KIF6: variants seen among roughly 807,000 people sequenced by gnomAD.
The protein encoded by KIF6 is kinesin-like protein KIF6.
A neutral mutation model predicts 112.7 loss-of-function variants in KIF6; 106 were observed. The observed-to-expected ratio is 0.94, with a 90% CI of 0.80 to 1.11. KIF6 has a LOEUF of 1.11. Ranked by LOEUF, KIF6 falls within the 50% of genes least tolerant of loss-of-function variation. The pLI is 0.00. For synonymous variants in KIF6, 339 were observed against 339.9 expected, an observed-to-expected ratio of 1.00 and a Z score of 0.03; for missense variants, 929 against 964.0, an observed-to-expected ratio of 0.96 and a Z score of 0.48.
intron 13 of KIF6, among the ~76,000 whole-genome samples, chr6:39,472,105 G>A (rs1222796787): frequency 2.6e-5 from 4 of 152,214 alleles, no homozygotes; most frequent in South Asian, 2.1e-4. Flanking sequence ...AGCTGTCAGC[G>A]TTCCTTGGCT....
intron 3 of KIF6, among the ~76,000 whole-genome samples, chr6:39,666,706 C>G (rs1331348499): frequency 6.6e-6 from 1 of 152,124 alleles, no homozygotes; most frequent in Non-Finnish European, 1.5e-5. Context: ...TGAAGGCAAG[C>G]ATGGTGTTAT....
intron 3 of KIF6, among the ~76,000 whole-genome samples, chr6:39,677,507 T>TTTTATTTATTTATTTATTTA (rs70984138): frequency 3.4e-5 from 5 of 146,158 alleles, no homozygotes; most frequent in African/African-American, 1.0e-4. Flanking sequence ...CTTCAGACAA[T>TTTTATTTATTTATTTATTTA]TTTATTTATT....
chr6:39,345,875 G>T, intron 20 of KIF6, 86 bp from the exon 21 acceptor site: 1 of 921,042 alleles, frequency 1.1e-6, no homozygotes, highest in Non-Finnish European at 1.7e-6. Flanking sequence ...GAGCTGTTAT[G>T]GACTGAATGT....
At chr6:39,500,247 G>T (rs563787563) in intron 13 of KIF6, among the ~76,000 whole-genome samples, 1 of 152,298 alleles carries the variant, frequency 6.6e-6, no homozygotes, top group South Asian at 2.1e-4. Context: ...GTTAAGAATG[G>T]ACACAAAGAA....
intron 10 of KIF6, among the ~76,000 whole-genome samples, chr6:39,577,264 G>A (rs1781024324): frequency 6.6e-6 from 1 of 152,242 alleles, no homozygotes; most frequent in Non-Finnish European, 1.5e-5. Flanking sequence ...CTATGAAATA[G>A]TTTAAAGACA....
intron 13 of KIF6, among the ~76,000 whole-genome samples, chr6:39,451,445 G>A (rs947699979): frequency 1.3e-5 from 2 of 152,182 alleles, no homozygotes; most frequent in African/African-American, 4.8e-5. Flanking sequence ...AGGAATTGAA[G>A]TTCTTGCTTT....
At chr6:39,558,545 G>A (rs1338464636) in intron 10 of KIF6, among the ~76,000 whole-genome samples, 3 of 152,112 alleles carry the variant, frequency 2.0e-5, no homozygotes, top group Non-Finnish European at 4.4e-5. Flanking sequence ...AAATATTCTT[G>A]GTTGTGATGA....
chr6:39,609,920 A>G (rs114871896), intron 6 of KIF6, among the ~76,000 whole-genome samples: 80 of 152,334 alleles, frequency 5.3e-4, no homozygotes, highest in African/African-American at 1.9e-3. Flanking sequence ...AAGAAACTGC[A>G]TCATTTAATT....
At chr6:39,501,460 G>C (rs1019774048) in intron 13 of KIF6, among the ~76,000 whole-genome samples, 1 of 152,192 alleles carries the variant, frequency 6.6e-6, no homozygotes, top group South Asian at 2.1e-4. Context: ...CAAGGGCTCA[G>C]AACTGGGCTG....
chr6:39,647,684 A>G (rs184112397), intron 3 of KIF6, among the ~76,000 whole-genome samples: 2 of 151,420 alleles, frequency 1.3e-5, no homozygotes, highest in African/African-American at 4.9e-5. Context: ...TCAGGAACCT[A>G]GGTCAAACAG....
intron 17 of KIF6, among the ~76,000 whole-genome samples, chr6:39,361,423 G>A (rs1409826527): frequency 6.6e-6 from 1 of 151,940 alleles, no homozygotes; most frequent in African/African-American, 2.4e-5. Flanking sequence ...GCTGGGTGTT[G>A]TGGTGCGTGG....
chr6:39,569,428 T>C (rs112214332), intron 10 of KIF6, among the ~76,000 whole-genome samples: 3,291 of 152,308 alleles, frequency 0.022, 60 homozygotes, highest in Non-Finnish European at 0.032. Flanking sequence ...TTTTGAAAAA[T>C]TATTCTGTCT....
rs573040865 is a variant in KIF6, at chr6:39,331,015, C to G, written c.*5517G>C. On this transcript the variant is annotated 3_prime_UTR_variant, in exon 23 of 23. Transcript: ENST00000287152. ...CCCCACAAGTCCCCTTTTTGCCAAGCTCCACGTCCTTTGCCTCTTCCCATC... is the reference window on the plus strand; with the variant it reads ...CCCCACAAGTCCCCTTTTTGCCAAGGTCCACGTCCTTTGCCTCTTCCCATC... 6.6e-6 allele frequency: 1 copy of G among 152,566 alleles called. No homozygotes were observed. The highest frequency in any genetic ancestry group is 6.5e-5 in the Admixed American group (1 of 15,302). 9.5% of individuals were successfully genotyped at this position (152,566 alleles called of 1,614,324 possible). A position where few individuals can be genotyped will look rare whatever the true frequency, so the allele number is the denominator to read the frequency against.
At chr6:39,651,209 T>C (rs1183898804) in intron 3 of KIF6, among the ~76,000 whole-genome samples, 1 of 152,246 alleles carries the variant, frequency 6.6e-6, no homozygotes, top group Non-Finnish European at 1.5e-5. Flanking sequence ...ATCCTTTTCC[T>C]TGCCAAGTGT....
At position 39,337,155 on chromosome 6, in the gene KIF6, T is replaced by TTTTCCTTCCTTTCTTTC. The variant is rs1554195029; in HGVS notation, c.2429-608_2429-607insGAAAGAAAGGAAGGAAA. Among the ~76,000 whole-genome samples the TTTTCCTTCCTTTCTTTC allele has an allele frequency of 1.1e-4, 6 of 53,698 alleles. No individual in the cohort carries two copies. In the East Asian group the frequency reaches 2.4e-3, roughly 21 times the overall value. The allele number at this position is 53,698 out of a possible 152,430, so 35.2% of individuals were successfully genotyped here. A position where few individuals can be genotyped will look rare whatever the true frequency, so the allele number is the denominator to read the frequency against. On this transcript the variant is annotated intron_variant, in intron 22 of 22. Transcript: ENST00000287152. Reference sequence around the variant, plus strand: ...TCCTTCCTTCCTTCCTTTCTCTTTCTTTTCTTTCTTTCCTTCCTTCTTTCT... The same window carrying TTTTCCTTCCTTTCTTTC: ...TCCTTCCTTCCTTCCTTTCTCTTTCTTTTCCTTCCTTTCTTTCTTTCTTTCTTTCCTTCCTTCTTTCT...
intron 3 of KIF6, among the ~76,000 whole-genome samples, chr6:39,688,121 A>AG (rs1466522294): frequency 6.6e-6 from 1 of 152,196 alleles, no homozygotes; most frequent in Non-Finnish European, 1.5e-5. Context: ...GTCTGGAGAA[A>AG]CTGCCAATCC....
intron 10 of KIF6, among the ~76,000 whole-genome samples, chr6:39,576,771 G>C (rs569435810): frequency 2.3e-4 from 35 of 152,198 alleles, no homozygotes; most frequent in African/African-American, 7.9e-4. Flanking sequence ...CTGATCTCTG[G>C]GGTGTTGCTT....
intron 16 of KIF6, among the ~76,000 whole-genome samples, chr6:39,366,925 A>G (rs1765602440): frequency 6.6e-6 from 1 of 151,236 alleles, no homozygotes; most frequent in Non-Finnish European, 1.5e-5. Flanking sequence ...AGACAAAGCT[A>G]CTCCAAATTG....
At chr6:39,539,246 C>T (rs1228774779) in intron 13 of KIF6, among the ~76,000 whole-genome samples, 2 of 151,492 alleles carry the variant, frequency 1.3e-5, no homozygotes, top group African/African-American at 2.4e-5. Flanking sequence ...AAAAAAAAAG[C>T]TGGAAACAGG....
Sources: gnomAD v4.1 joint callset for allele counts (sites outside exome capture counted in the v4.1 genomes callset) on GRCh38, gnomAD v4.1.1 for gene constraint, MANE v1.5 for transcripts, NCBI Gene and HGNC (gene_info 2026-07-23, HGNC 2026-07-21) for gene names.